ING5: variants seen among roughly 807,000 people sequenced by gnomAD.
The protein encoded by ING5 is inhibitor of growth protein 5.
ING5 carries 17 observed loss-of-function variants against 37.4 expected under a neutral mutation model. That is an observed-to-expected ratio of 0.45 (90% CI 0.31 to 0.68). ING5 has a LOEUF of 0.68. ING5 is among the 30% of genes least tolerant of loss of function. ING5 has a pLI of 0.05. For missense variants in ING5, 233 were observed against 311.9 expected (o/e 0.75, Z 1.91); for synonymous variants, 123 against 116.6 (o/e 1.06, Z -0.36).
intron 2 of ING5, among the ~76,000 whole-genome samples, chr2:241,693,652 CTTTTTTT>C (rs1185556171): frequency 2.5e-5 from 2 of 78,538 alleles, no homozygotes; most frequent in Non-Finnish European, 4.6e-5. Context: ...AAATACAACT[CTTTTTTT>C]TTTTTTTTTT....
rs181264115 is a variant in ING5 at position 241,724,133 on chromosome 2, C to T, written c.681-856C>T. The T allele has an allele frequency of 1.2e-4, 130 of 1,098,016 alleles. No individual in the cohort carries two copies. The Admixed American group carries it at 4.5e-3, about 38-fold the overall frequency. The allele number at this position is 1,098,016 out of a possible 1,614,324, so 68.0% of individuals were successfully genotyped here. ...CTTCTGTGTGGCACTCAGAGGTCAT[C>T]GTGGCAGCGTGTTTGAAACTCCGGC... On this transcript the variant is annotated intron_variant, in intron 7 of 7. Coordinates refer to ENST00000313552, the MANE Select transcript of ING5 (RefSeq NM_032329.6).
intron 2 of ING5, among the ~76,000 whole-genome samples, chr2:241,694,577 T>C (rs374004917): frequency 1.3e-5 from 2 of 151,866 alleles, no homozygotes; most frequent in Non-Finnish European, 2.9e-5. Context: ...GTTGGCTTTT[T>C]CCCCCCTCTA....
At chr2:241,693,855 C>A (rs2124852620) in intron 2 of ING5, among the ~76,000 whole-genome samples, 1 of 151,170 alleles carries the variant, frequency 6.6e-6, no homozygotes, top group Admixed American at 6.6e-5. Context: ...CGGGGTGTTT[C>A]ACCATGTTGG....
intron 1 of ING5, 75 bp from the exon 2 acceptor site, chr2:241,704,578 A>G: frequency 8.1e-7 from 1 of 1,229,648 alleles, no homozygotes; most frequent in East Asian, 2.3e-5. Context: ...CAAAAAAAAA[A>G]GACAGAAAAC....
intron 2 of ING5, among the ~76,000 whole-genome samples, chr2:241,692,000 G>T (rs760650901): frequency 1.3e-5 from 2 of 151,964 alleles, no homozygotes; most frequent in African/African-American, 2.4e-5. Flanking sequence ...GTGAGCCATG[G>T]TTGCGCCACT....
At chr2:241,709,114 C>T in intron 2 of ING5, 102 bp from the exon 3 acceptor site, 1 of 1,288,632 alleles carries the variant, frequency 7.8e-7, no homozygotes, top group Non-Finnish European at 1.1e-6. Flanking sequence ...CAGCCTACAT[C>T]TTTGCCACAA....
intron 2 of ING5, among the ~76,000 whole-genome samples, chr2:241,692,066 A>G (rs886528489): frequency 6.6e-6 from 1 of 152,052 alleles, no homozygotes; most frequent in Non-Finnish European, 1.5e-5. Context: ...AAAAAATATA[A>G]AAAAAGAAAA....
intron 5 of ING5, chr2:241,722,502 C>T (rs1055120068): frequency 6.1e-6 from 6 of 985,452 alleles, no homozygotes; most frequent in Middle Eastern, 5.2e-4. Flanking sequence ...GTCTCCACCC[C>T]TCTGCTGCCA....
upstream of ING5, among the ~76,000 whole-genome samples, chr2:241,697,804 T>C (rs2069652547): frequency 6.6e-6 from 1 of 152,148 alleles, no homozygotes; most frequent in African/African-American, 2.4e-5. Context: ...CACAAGGCAC[T>C]GGGCGTGGTG....
At chr2:241,699,129 AT>A (rs2069676905), upstream of ING5, among the ~76,000 whole-genome samples, 1 of 151,516 alleles carries the variant, frequency 6.6e-6, no homozygotes, top group African/African-American at 2.4e-5. Context: ...GGTTCAAATG[AT>A]TCTCCTGCCT....
At chr2:241,696,108 C>T (rs1376905560) in intron 2 of ING5, among the ~76,000 whole-genome samples, 1 of 152,020 alleles carries the variant, frequency 6.6e-6, no homozygotes, top group Admixed American at 6.6e-5. Context: ...AAAAACAAAA[C>T]AGGCTGGGCT....
intron 5 of ING5, chr2:241,719,997 A>G (rs888901015): frequency 5.6e-6 from 7 of 1,248,256 alleles, no homozygotes; most frequent in Non-Finnish European, 6.0e-6. Context: ...CTCCTGTCCC[A>G]TTGCAAGACG....
At chr2:241,715,627 C>CACGTATCA (rs1391783956) in intron 5 of ING5, among the ~76,000 whole-genome samples, 2 of 150,988 alleles carry the variant, frequency 1.3e-5, no homozygotes, top group African/African-American at 4.9e-5. Flanking sequence ...GGATTACAGG[C>CACGTATCA]ACGTATCACC....
rs913216350 is a variant in ING5, at chr2:241,725,285, G to A, written c.*254G>A. ...CCCCCCGAGCATCAGCAGGGACCCC[G>A]GCGGACGTGGGCGGGCGCGCGTGAG... is the stretch of plus-strand genomic sequence containing the variant. On this transcript the variant is annotated 3_prime_UTR_variant, in exon 8 of 8. Coordinates refer to ENST00000313552, the MANE Select transcript of ING5 (RefSeq NM_032329.6). The A allele has an allele frequency of 3.9e-6, 2 of 509,568 alleles. No individual in the cohort carries two copies. Among genetic ancestry groups the A allele is most frequent in the Non-Finnish European group, 7.1e-6 (2 of 280,308 alleles). 31.6% of individuals were successfully genotyped at this position (509,568 alleles called of 1,614,324 possible).
intron 1 of ING5, among the ~76,000 whole-genome samples, chr2:241,702,511 G>T (rs962996632): frequency 3.2e-4 from 39 of 122,798 alleles, no homozygotes; most frequent in African/African-American, 9.6e-4. Flanking sequence ...CGCCCGCTGC[G>T]GGGCTCCGGG....
rs1198319430 is a variant in ING5, at chr2:241,710,037, G to C, written c.276+655G>C. On this transcript the variant is annotated intron_variant, in intron 3 of 7. Transcript: ENST00000313552. ...GGCTCACTGCAACCTCCACCTCCTG[G>C]GTTTAAGCGATTCTCCTGCCTCAGT... 2.6e-5 allele frequency among the ~76,000 whole-genome samples: 4 copies of C among 152,094 alleles called. No individual in the cohort carries two copies. The East Asian group carries it at 7.7e-4, about 29-fold the overall frequency.
chr2:241,699,013 C>G (rs1378216649), upstream of ING5, among the ~76,000 whole-genome samples: 1 of 147,078 alleles, frequency 6.8e-6, no homozygotes, highest in African/African-American at 2.6e-5. Flanking sequence ...CAGGCGTGAG[C>G]CACCACCCCA....
At chr2:241,716,865 TGGTGGTCAGGCGCTGG>T (rs1439491136) in intron 5 of ING5, among the ~76,000 whole-genome samples, 1 of 152,114 alleles carries the variant, frequency 6.6e-6, no homozygotes, top group East Asian at 1.9e-4. Flanking sequence ...GAGAGTAGAA[TGGTGGTCAGGCGCTGG>T]GGTGGTCAGG....
Position 241,720,007 on chromosome 2 carries a change from G to A in ING5, c.483-2932G>A, listed in dbSNP as rs941659659. 18 of 1,245,298 alleles carry A rather than the reference G, an allele frequency of 1.4e-5. No homozygotes were observed. In the Admixed American group the frequency reaches 3.6e-4, roughly 25 times the overall value. The allele number at this position is 1,245,298 out of a possible 1,614,324, so 77.1% of individuals were successfully genotyped here. On this transcript the variant is annotated intron_variant, in intron 5 of 7. Coordinates refer to ENST00000313552, the MANE Select transcript of ING5 (RefSeq NM_032329.6). The stretch of plus-strand genomic sequence containing the variant: ...TGCTGCTCCTGTCCCATTGCAAGAC[G>A]TCGAGACAGGCTGGTAAGGCCAGCT...
Sources: allele counts gnomAD v4.1 joint callset (sites outside exome capture counted in the v4.1 genomes callset), GRCh38; gene constraint gnomAD v4.1.1; transcripts MANE v1.5; gene names NCBI Gene and HGNC (gene_info 2026-07-23, HGNC 2026-07-21).